Variants in SLC6A16 observed in about 807,000 individuals in gnomAD.
The protein encoded by SLC6A16 is orphan sodium- and chloride-dependent neurotransmitter transporter NTT5.
Under a neutral mutation model 65.4 loss-of-function variants are expected in SLC6A16, and 54 were observed. The ratio of observed to expected loss-of-function variants is 0.83; its 90% CI spans 0.66 to 1.04. The LOEUF (loss-of-function observed/expected upper bound fraction) is 1.04, where lower values mean the gene tolerates loss of function less well. Among genes scored for constraint, SLC6A16 ranks in the 50% least tolerant of loss-of-function variants. The probability of loss-of-function intolerance (pLI) is 0.00; values close to 1 mark genes in which losing one functional copy is unlikely to be tolerated. For synonymous variants in SLC6A16, 330 were observed against 346.5 expected (o/e 0.95, Z 0.53); for missense variants, 816 against 914.0 (o/e 0.89, Z 1.38).
chr19:49,322,955 T>G (rs10412937), intron 1 of SLC6A16, among the ~76,000 whole-genome samples: 1 of 150,528 alleles, frequency 6.6e-6, no homozygotes, highest in South Asian at 2.1e-4. Context: ...AAAACGCTGG[T>G]GTACTCACAT....
rs1970454208 is a variant in SLC6A16 at position 49,309,102 on chromosome 19, T to C, written c.1003A>G (p.Asn335Asp). The change falls in exon 7 of 12, where the codon AAT becomes GAT. Residue 335 changes from asparagine (N) to aspartate (D), a missense_variant. Coordinates refer to ENST00000335875, the MANE Select transcript of SLC6A16 (RefSeq NM_014037.3). ...CCTGCTAGAGACCACACACTCATAT[T>C]GTACACATCCGATATCTAAAAGAGA... ...LVVAKISDVY[N>D]MSVWSLAGGQ... 3 of 1,614,138 alleles carry C rather than the reference T, an allele frequency of 1.9e-6. No homozygotes were observed. Among genetic ancestry groups the C allele is most frequent in the South Asian group, 2.2e-5 (2 of 91,070 alleles).
chr19:49,325,355 G>A (rs1326086416), upstream of SLC6A16: 3 of 558,084 alleles, frequency 5.4e-6, no homozygotes, highest in East Asian at 1.5e-4. Context: ...CTGCTCACGC[G>A]CCACTCCCTT....
At chr19:49,324,419 G>C (rs546243250) in intron 1 of SLC6A16, among the ~76,000 whole-genome samples, 1 of 152,180 alleles carries the variant, frequency 6.6e-6, no homozygotes, top group African/African-American at 2.4e-5. Context: ...TTACGGAAGG[G>C]AGAGAACTGA....
intron 7 of SLC6A16, among the ~76,000 whole-genome samples, chr19:49,299,318 A>G (rs1156796075): frequency 1.3e-5 from 2 of 151,400 alleles, no homozygotes; most frequent in Non-Finnish European, 2.9e-5. Flanking sequence ...TTTTGGGAGG[A>G]TGAGGCAAAC....
chr19:49,306,838 G>A (rs893463015), intron 7 of SLC6A16, among the ~76,000 whole-genome samples: 3 of 151,858 alleles, frequency 2.0e-5, no homozygotes, highest in Middle Eastern at 3.4e-3. Flanking sequence ...CACCGCACCC[G>A]GCTTGTTTTT....
At position 49,290,540 on chromosome 19, in the gene SLC6A16, C is replaced by G. The variant is rs540785196; in HGVS notation, c.1941+65G>C. 53 of 1,589,004 alleles carry G rather than the reference C, an allele frequency of 3.3e-5. No homozygotes were observed. In the East Asian group the frequency reaches 1.1e-3, roughly 32 times the overall value. ...GAATGAGATGACTGGGTTCTTTCAC[C>G]CAGAGTGAATTGAAAGGTCTGGCCC... is the stretch of plus-strand genomic sequence containing the variant. On this transcript the variant is annotated intron_variant, in intron 11 of 11. Coordinates refer to ENST00000335875, the MANE Select transcript of SLC6A16 (RefSeq NM_014037.3).
At chr19:49,309,893 C>A in intron 4 of SLC6A16, 67 bp from the exon 5 acceptor site, 1 of 1,562,754 alleles carries the variant, frequency 6.4e-7, no homozygotes, top group Non-Finnish European at 8.8e-7. Context: ...TATCCCCTCC[C>A]CCACCTCCCT....
intron 1 of SLC6A16, among the ~76,000 whole-genome samples, chr19:49,314,090 C>A (rs1419664700): frequency 1.6e-5 from 1 of 62,730 alleles, no homozygotes; most frequent in African/African-American, 1.3e-4. Context: ...AGTGAGACTC[C>A]GTCTCAAAAA....
intron 7 of SLC6A16, among the ~76,000 whole-genome samples, chr19:49,295,902 A>G (rs529213354): frequency 6.6e-6 from 1 of 152,348 alleles, no homozygotes; most frequent in Admixed American, 6.5e-5. Flanking sequence ...TGGCCCTTCT[A>G]CACAACTGGG....
chr19:49,302,110 C>A (rs1970302405), intron 7 of SLC6A16, among the ~76,000 whole-genome samples: 1 of 152,226 alleles, frequency 6.6e-6, no homozygotes, highest in African/African-American at 2.4e-5. Flanking sequence ...CTGCCACATG[C>A]ATGCCCTTAG....
intron 7 of SLC6A16, among the ~76,000 whole-genome samples, chr19:49,296,281 T>C (rs568176457): frequency 6.6e-6 from 1 of 152,134 alleles, no homozygotes; most frequent in Non-Finnish European, 1.5e-5. Flanking sequence ...ACCACCACAC[T>C]CAGTCTGGGA....
At chr19:49,335,678 G>A in the SLC6A16 span, 1 of 1,612,574 alleles carries the variant, frequency 6.2e-7, no homozygotes, top group South Asian at 1.1e-5. The surrounding 1 kb of genome is among the most constrained non-coding windows in gnomAD (Gnocchi z 4.6). Context: ...ATCTTCCCCT[G>A]TGGCCCACCC....
At chr19:49,299,546 A>AAAAGAAAGAAAG (rs368964600) in intron 7 of SLC6A16, among the ~76,000 whole-genome samples, 1,938 of 126,454 alleles carry the variant, frequency 0.015, 62 homozygotes, top group East Asian at 0.096. Context: ...AAAAAAAAAA[A>AAAAGAAAGAAAG]AAAGAAAGAA....
intron 1 of SLC6A16, among the ~76,000 whole-genome samples, chr19:49,314,443 GT>G (rs1970582826): frequency 6.6e-6 from 1 of 152,116 alleles, no homozygotes; most frequent in Non-Finnish European, 1.5e-5. Flanking sequence ...TTTTTTACTT[GT>G]CAATCATCCC....
chr19:49,339,439 G>T, the SLC6A16 span: 1 of 1,604,006 alleles, frequency 6.2e-7, no homozygotes. The surrounding 1 kb of genome is among the most constrained non-coding windows in gnomAD (Gnocchi z 4.5). Context: ...CCCCACCCGC[G>T]ATCGGCCCTA....
chr19:49,329,373 C>T (rs967374029), upstream of SLC6A16, among the ~76,000 whole-genome samples: 10 of 152,164 alleles, frequency 6.6e-5, no homozygotes, highest in African/African-American at 1.2e-4. Context: ...AGTGAGCCAC[C>T]GCTCCTGGCC....
chr19:49,322,634 CA>C lies in SLC6A16; in HGVS notation c.-65+2413del, dbSNP rs59799608. On this transcript the variant is annotated intron_variant, in intron 1 of 11. Coordinates refer to ENST00000335875, the MANE Select transcript of SLC6A16 (RefSeq NM_014037.3). The stretch of plus-strand genomic sequence containing the variant: ...GGGCAACAAGAGTGAAACTCCATCT[CA>C]AAAAAAAAAAAAAAAAGAATTAACC... Among the ~76,000 whole-genome samples, 189 of 77,404 alleles carry C rather than the reference CA, an allele frequency of 2.4e-3. 1 individual carries two copies. Among genetic ancestry groups the C allele is most frequent in the African/African-American group, 4.7e-3 (105 of 22,558 alleles). The allele number at this position is 77,404 out of a possible 152,430, so 50.8% of individuals were successfully genotyped here. A position where few individuals can be genotyped will look rare whatever the true frequency, so the allele number is the denominator to read the frequency against.
chr19:49,317,229 T>C (rs1358690226), intron 1 of SLC6A16, among the ~76,000 whole-genome samples: 3 of 151,984 alleles, frequency 2.0e-5, no homozygotes, highest in Non-Finnish European at 4.4e-5. Context: ...TAGCCCCAGC[T>C]ACTCGGAAGG....
Position 49,310,079 on chromosome 19 carries a change from A to T in SLC6A16, c.661T>A (p.Trp221Arg), listed in dbSNP as rs1192350942. Residue 221 changes from tryptophan (W) to arginine (R), a missense_variant, in exon 4 of 12, where the codon TGG becomes AGG. Transcript: ENST00000335875. ...MSQSFQFPVP[W>R]EKCPLTMNSS... ...TTCATCGTTAAGGGACATTTCTCCC[A>T]TGGAACGGGAAACTGGAAGGACTGG... The T allele has an allele frequency of 2.5e-6, 4 of 1,614,034 alleles. No individual in the cohort carries two copies.
Sources: allele counts gnomAD v4.1 joint callset (sites outside exome capture counted in the v4.1 genomes callset), GRCh38; gene constraint gnomAD v4.1.1; non-coding constraint Gnocchi (gnomAD v3.1); transcripts MANE v1.5; gene names NCBI Gene and HGNC (gene_info 2026-07-23, HGNC 2026-07-21).